The following RORA variants were observed in gnomAD, a reference collection of about 807,000 sequenced individuals.
RORA encodes RAR related orphan receptor A.
Under a neutral mutation model 69.5 loss-of-function variants are expected in RORA, and 7 were observed. That is an observed-to-expected ratio of 0.10 (90% confidence interval 0.06 to 0.19). The LOEUF (loss-of-function observed/expected upper bound fraction) is 0.19. Among genes scored for constraint, RORA ranks in the 10% least tolerant of loss-of-function variants. The pLI is 1.00. For missense variants in RORA, 457 were observed against 663.0 expected (o/e 0.69, Z 3.41); for synonymous variants, 261 against 240.8 (o/e 1.08, Z -0.78).
intron 2 of RORA, among the ~76,000 whole-genome samples, chr15:60,612,659 C>CTTTTTTTTTTTTT (rs1567123636): frequency 8.5e-6 from 1 of 117,328 alleles, no homozygotes. Context: ...CTCTCTCTCT[C>CTTTTTTTTTTTTT]TGTTTTTTTT....
chr15:61,051,005 G>C (rs1897266725), intron 1 of RORA, among the ~76,000 whole-genome samples: 1 of 152,334 alleles, frequency 6.6e-6, no homozygotes, highest in South Asian at 2.1e-4. Context: ...AGAGGTGACA[G>C]AAGTAGTGGA....
At chr15:60,816,562 C>T (rs887125811) in intron 1 of RORA, among the ~76,000 whole-genome samples, 3 of 131,608 alleles carry the variant, frequency 2.3e-5, no homozygotes, top group South Asian at 2.6e-4. Flanking sequence ...ATACTGTAAA[C>T]AGTATATGTA....
At chr15:60,765,717 AG>A (rs932614714) in intron 1 of RORA, 3 of 152,184 alleles carry the variant, frequency 2.0e-5, no homozygotes, top group African/African-American at 7.2e-5. Context: ...TGAGAAGAGA[AG>A]CATAAACAAG....
At chr15:60,770,175 T>C (rs370928662) in intron 1 of RORA, among the ~76,000 whole-genome samples, 4 of 152,224 alleles carry the variant, frequency 2.6e-5, no homozygotes, top group East Asian at 1.9e-4. Context: ...ATGCTGCCCA[T>C]TTAAATTCTA....
At chr15:61,107,126 G>A (rs569776555) in intron 1 of RORA, among the ~76,000 whole-genome samples, 1 of 152,286 alleles carries the variant, frequency 6.6e-6, no homozygotes, top group South Asian at 2.1e-4. Context: ...GTAATTACTT[G>A]CTGTATCCAA....
intron 1 of RORA, among the ~76,000 whole-genome samples, chr15:60,751,564 A>G (rs1312187698): frequency 3.9e-5 from 6 of 152,160 alleles, no homozygotes; most frequent in Non-Finnish European, 7.4e-5. Flanking sequence ...GTGTAAAGAG[A>G]TAAGTACCTT....
chr15:61,112,510 A>G (rs1480355362), intron 1 of RORA, among the ~76,000 whole-genome samples: 1 of 152,148 alleles, frequency 6.6e-6, no homozygotes, highest in Non-Finnish European at 1.5e-5. Flanking sequence ...AAGACAGGAG[A>G]AAGGACGTTT....
At chr15:61,021,737 A>C (rs540893404) in intron 1 of RORA, among the ~76,000 whole-genome samples, 16 of 152,346 alleles carry the variant, frequency 1.1e-4, no homozygotes, top group African/African-American at 3.6e-4. Context: ...CAATGATATA[A>C]TCCAAAGTAG....
intron 3 of RORA, among the ~76,000 whole-genome samples, chr15:60,516,205 ATAT>A (rs1567052511): frequency 5.2e-4 from 16 of 30,550 alleles, no homozygotes; most frequent in African/African-American, 4.2e-3. Flanking sequence ...ATTTATATAT[ATAT>A]TTATATATAT....
intron 1 of RORA, among the ~76,000 whole-genome samples, chr15:61,136,766 G>A (rs997691136): frequency 3.9e-5 from 6 of 152,054 alleles, no homozygotes; most frequent in African/African-American, 9.7e-5. Flanking sequence ...CACATTCCAC[G>A]GCAAAGCATT....
chr15:60,739,271 G>C (rs1374240618), intron 1 of RORA, among the ~76,000 whole-genome samples: 3 of 152,144 alleles, frequency 2.0e-5, no homozygotes, highest in Non-Finnish European at 4.4e-5. Context: ...GGGGTGGGGA[G>C]AGATACATTT....
At chr15:61,102,515 T>C (rs2078894194) in intron 1 of RORA, among the ~76,000 whole-genome samples, 2 of 152,232 alleles carry the variant, frequency 1.3e-5, no homozygotes, top group South Asian at 4.1e-4. Flanking sequence ...GCCCCTGACA[T>C]CCAAAGCTCT....
At chr15:61,106,876 G>A (rs562093143) in intron 1 of RORA, among the ~76,000 whole-genome samples, 3 of 152,190 alleles carry the variant, frequency 2.0e-5, no homozygotes, top group African/African-American at 7.2e-5. Context: ...GTAGAAAGAG[G>A]GGATAAGGAT....
At chr15:60,560,497 C>T (rs1302019730) in intron 2 of RORA, among the ~76,000 whole-genome samples, 1 of 151,988 alleles carries the variant, frequency 6.6e-6, no homozygotes, top group African/African-American at 2.4e-5. Context: ...AGTTCAAGAC[C>T]AGCCTGGACA....
intron 1 of RORA, among the ~76,000 whole-genome samples, chr15:61,083,714 A>G (rs2078579397): frequency 6.6e-6 from 1 of 152,034 alleles, no homozygotes; most frequent in African/African-American, 2.4e-5. Context: ...CACTTCTCCA[A>G]GCACCTTCTC....
chr15:60,685,315 T>A (rs912569861), intron 1 of RORA, among the ~76,000 whole-genome samples: 3 of 152,242 alleles, frequency 2.0e-5, no homozygotes, highest in Admixed American at 1.3e-4. Flanking sequence ...TCTTTTTGAC[T>A]TCCTCATTGT....
At chr15:61,202,896 C>T (rs1471417714) in intron 1 of RORA, among the ~76,000 whole-genome samples, 3 of 152,142 alleles carry the variant, frequency 2.0e-5, no homozygotes, top group African/African-American at 2.4e-5. Context: ...GATAGAGACA[C>T]TTGTACAACC....
In RORA at chr15:60,531,290, T is replaced by C. The variant is rs2066518476; in HGVS notation, c.282+476A>G. ...ACACATTCAAAACAATATGGACAAG[T>C]GGAGGCAATAGGACTGGAACTCAGG... On this transcript the variant is annotated intron_variant, in intron 3 of 10. Transcript: ENST00000335670. The surrounding 1 kb of genome is among the most constrained non-coding windows in gnomAD (Gnocchi z 4.8). 6.3e-6 allele frequency: 1 copy of C among 158,168 alleles called. No homozygotes were observed. Among genetic ancestry groups the C allele is most frequent in the Non-Finnish European group, 1.4e-5 (1 of 72,712 alleles). The allele number at this position is 158,168 out of a possible 1,614,324, so 9.8% of individuals were successfully genotyped here.
At chr15:60,875,553 A>G (rs2073603904) in intron 1 of RORA, among the ~76,000 whole-genome samples, 1 of 152,184 alleles carries the variant, frequency 6.6e-6, no homozygotes, top group African/African-American at 2.4e-5. Context: ...ATGTCTACAA[A>G]TGGTAGCAGG....
Sources: allele counts gnomAD v4.1 joint callset (sites outside exome capture counted in the v4.1 genomes callset), GRCh38; gene constraint gnomAD v4.1.1; non-coding constraint Gnocchi (gnomAD v3.1); transcripts MANE v1.5; gene names NCBI Gene and HGNC (gene_info 2026-07-23, HGNC 2026-07-21).